Variants in MROH7 observed in about 807,000 individuals in gnomAD.
The protein encoded by MROH7 is maestro heat-like repeat-containing protein family member 7.
A neutral mutation model predicts 129.2 loss-of-function variants in MROH7; 113 were observed. That is an observed-to-expected ratio of 0.87 (90% CI 0.75 to 1.02). The LOEUF is 1.02. Among genes scored for constraint, MROH7 ranks in the 50% least tolerant of loss-of-function variants. MROH7 has a pLI of 0.00. For missense variants in MROH7, 1,601 were observed against 1,671.3 expected (o/e 0.96, Z 0.73); for synonymous variants, 655 against 667.9 (o/e 0.98, Z 0.30).
At position 54,665,033 on chromosome 1, in the gene MROH7, A is replaced by G. The variant is rs773109824; in HGVS notation, c.1232-134A>G. The G allele has an allele frequency of 1.4e-3, 845 of 622,566 alleles. 18 individuals are homozygous for G. Among genetic ancestry groups the G allele is most frequent in the Non-Finnish European group, 3.3e-4 (115 of 350,064 alleles). 38.6% of individuals were successfully genotyped at this position (622,566 alleles called of 1,614,324 possible). A position where few individuals can be genotyped will look rare whatever the true frequency, so the allele number is the denominator to read the frequency against. ...GACTGTCTCAAAAAAAAGGAAAAGA[A>G]AAGAAAGCTCAGTGTGGCTGCTGGG... On this transcript the variant is annotated intron_variant, in intron 3 of 23. Transcript: ENST00000421030.
intron 3 of MROH7, chr1:54,664,049 C>A (rs950273276): frequency 3.8e-6 from 1 of 263,798 alleles, no homozygotes. Context: ...CTCTATTGGT[C>A]CTGCCCAGTA....
chr1:54,669,527 G>A (rs1644862658), intron 5 of MROH7, among the ~76,000 whole-genome samples: 1 of 152,170 alleles, frequency 6.6e-6, no homozygotes, highest in Non-Finnish European at 1.5e-5. Flanking sequence ...GCAATTAGAA[G>A]GACATACTTT....
chr1:54,696,432 G>A (rs1360669672), intron 17 of MROH7, among the ~76,000 whole-genome samples: 2 of 151,950 alleles, frequency 1.3e-5, no homozygotes, highest in South Asian at 2.1e-4. Flanking sequence ...CAGAACTTTC[G>A]TATCTTTCAC....
intron 14 of MROH7, 80 bp downstream of exon 14, chr1:54,682,874 C>T: frequency 2.0e-6 from 3 of 1,512,302 alleles, no homozygotes; most frequent in Non-Finnish European, 2.7e-6. Context: ...GCTAAGCACA[C>T]CCGGCCTCGA....
rs1644888584 is a variant in MROH7, at chr1:54,670,831, A to G, written c.1501A>G (p.Arg501Gly). The G allele has an allele frequency of 6.2e-7, 1 of 1,613,706 alleles. No homozygotes were observed. The highest frequency in any genetic ancestry group is 1.3e-5 in the African/African-American group (1 of 74,858). The change falls in exon 7 of 24, where the codon AGG becomes GGG. Residue 501 changes from arginine to glycine, a missense_variant. Transcript: ENST00000421030. Reference sequence around the variant, plus strand: ...CCAGCCCACCCTGGGCATGCGGGAGAGGTCGGAGCTGGTGAACGTGTGTGT... The same window carrying G: ...CCAGCCCACCCTGGGCATGCGGGAGGGGTCGGAGCTGGTGAACGTGTGTGT... Reference protein sequence around the residue: ...HTQPTLGMRERSELVNVCVHS... With the variant: ...HTQPTLGMREGSELVNVCVHS...
At chr1:54,676,201 A>T (rs996299210) in intron 10 of MROH7, among the ~76,000 whole-genome samples, 5 of 151,904 alleles carry the variant, frequency 3.3e-5, no homozygotes, top group Admixed American at 2.0e-4. Context: ...GATTTTATTT[A>T]TTTTTTTCTT....
chr1:54,692,802 C>A (rs538467986), intron 16 of MROH7, among the ~76,000 whole-genome samples: 2 of 152,204 alleles, frequency 1.3e-5, no homozygotes, highest in African/African-American at 2.4e-5. Flanking sequence ...ATCCACAAAG[C>A]ACCATTCCTT....
intron 1 of MROH7, among the ~76,000 whole-genome samples, chr1:54,647,335 T>G (rs959354317): frequency 6.6e-6 from 1 of 152,062 alleles, no homozygotes; most frequent in Non-Finnish European, 1.5e-5. Flanking sequence ...GGAGGCTGGG[T>G]GCAGTGGATC....
intron 14 of MROH7, among the ~76,000 whole-genome samples, chr1:54,685,835 C>A (rs113271992): frequency 3.7e-3 from 556 of 152,222 alleles, no homozygotes; most frequent in Non-Finnish European, 6.4e-3. Flanking sequence ...AGGCACAGCA[C>A]GCTATAGTTG....
intron 15 of MROH7, among the ~76,000 whole-genome samples, chr1:54,689,114 AG>A (rs968748691): frequency 6.6e-6 from 1 of 152,182 alleles, no homozygotes; most frequent in African/African-American, 2.4e-5. Flanking sequence ...ATTTGGAAAA[AG>A]GGTCTTTGCA....
chr1:54,681,663 T>C (rs1054448908), intron 13 of MROH7, among the ~76,000 whole-genome samples: 9 of 152,318 alleles, frequency 5.9e-5, no homozygotes, highest in Admixed American at 3.9e-4. Flanking sequence ...GGCCTGCCAG[T>C]GCTTTCAACA....
At chr1:54,693,476 C>T (rs1022875394) in intron 16 of MROH7, among the ~76,000 whole-genome samples, 1 of 152,140 alleles carries the variant, frequency 6.6e-6, no homozygotes, top group African/African-American at 2.4e-5. Flanking sequence ...TCCACACAGG[C>T]TAATTTTTAC....
Position 54,679,952 on chromosome 1 carries a change from G to T in MROH7, c.2288G>T (p.Arg763Leu), listed in dbSNP as rs201540608. 1.1e-4 allele frequency: 179 copies of T among 1,613,696 alleles called. No homozygotes were observed. The highest frequency in any genetic ancestry group is 3.7e-4 in the Admixed American group (22 of 60,004). ...QLSHIQEPRARQVALLPVSLL... is the reference protein window; with the variant it reads ...QLSHIQEPRALQVALLPVSLL... ...AGCCACATCCAGGAGCCTCGGGCCCGCCAGGTGGCCCTGCTGCCCGTCTCC... is the reference window on the plus strand; with the variant it reads ...AGCCACATCCAGGAGCCTCGGGCCCTCCAGGTGGCCCTGCTGCCCGTCTCC... The change falls in exon 13 of 24, where the codon CGC (arginine) becomes CTC (leucine). Residue 763 changes from arginine to leucine, a missense_variant. By Grantham distance (102) the Arg-to-Leu change is moderately radical. Transcript: ENST00000421030.
rs1284618320 is a variant in MROH7 at position 54,678,858 on chromosome 1, A to T, written c.2049+4A>T. 1.9e-6 allele frequency: 3 copies of T among 1,611,078 alleles called. No individual in the cohort carries two copies. Among genetic ancestry groups the T allele is most frequent in the Non-Finnish European group, 2.5e-6 (3 of 1,177,312 alleles). On this transcript the variant is annotated splice_donor_region_variant and intron_variant, in intron 11 of 23. Transcript: ENST00000421030. Reference sequence around the variant, plus strand: ...GAACATTCTGCGGGTGATCGAGGTGACTGCCTGGTGCCCATCCAGGAGCGG... The same window carrying T: ...GAACATTCTGCGGGTGATCGAGGTGTCTGCCTGGTGCCCATCCAGGAGCGG...
At chr1:54,688,206 C>T (rs1394614228) in intron 15 of MROH7, among the ~76,000 whole-genome samples, 6 of 145,990 alleles carry the variant, frequency 4.1e-5, no homozygotes, top group Admixed American at 6.9e-5. Context: ...GGTGTCACAG[C>T]GAGACTCCGT....
chr1:54,657,858 A>G (rs1463864216), intron 3 of MROH7, among the ~76,000 whole-genome samples: 2 of 151,718 alleles, frequency 1.3e-5, no homozygotes, highest in Non-Finnish European at 2.9e-5. Flanking sequence ...ATGGGGTTTT[A>G]CCTTGTTGGC....
chr1:54,670,651 G>A (rs1391777662), intron 6 of MROH7, 75 bp downstream of exon 6: 12 of 1,495,684 alleles, frequency 8.0e-6, no homozygotes, highest in Middle Eastern at 1.7e-4. Context: ...CCATCTCTTC[G>A]CTGTACCCTC....
Position 54,679,919 on chromosome 1 carries a change from T to A in MROH7, c.2255T>A (p.Met752Lys). 2.5e-6 allele frequency: 4 copies of A among 1,612,958 alleles called. No individual in the cohort carries two copies. Among genetic ancestry groups the A allele is most frequent in the Non-Finnish European group, 3.4e-6 (4 of 1,179,814 alleles). ...VIPEIMQGIY[M>K]QLSHIQEPRA... ...CCAGAAATCATGCAAGGCATCTACA[T>A]GCAGCTGAGCCACATCCAGGAGCCT... Residue 752 changes from methionine to lysine, a missense_variant, in exon 13 of 24, where the codon ATG (methionine) becomes AAG (lysine). By Grantham distance (95) the Met-to-Lys change is moderately conservative. Transcript: ENST00000421030.
chr1:54,646,648 A>T (rs966525780), intron 1 of MROH7, among the ~76,000 whole-genome samples: 1 of 152,346 alleles, frequency 6.6e-6, no homozygotes, highest in Non-Finnish European at 1.5e-5. Flanking sequence ...CATTAAAAAA[A>T]AATGTGGTAT....
Sources: allele counts gnomAD v4.1 joint callset (sites outside exome capture counted in the v4.1 genomes callset), GRCh38; gene constraint gnomAD v4.1.1; transcripts MANE v1.5; gene names NCBI Gene and HGNC (gene_info 2026-07-23, HGNC 2026-07-21).